NKAIN2: variants seen among roughly 807,000 people sequenced by gnomAD.
NKAIN2 encodes the protein sodium/potassium transporting ATPase interacting 2.
A neutral mutation model predicts 32.6 loss-of-function variants in NKAIN2; 14 were observed. That is an observed-to-expected ratio of 0.43 (90% CI 0.28 to 0.67). NKAIN2 has a LOEUF of 0.67. Ranked by LOEUF, NKAIN2 falls within the 30% of genes least tolerant of loss-of-function variation. NKAIN2 has a pLI of 0.17. For missense variants in NKAIN2, 198 were observed against 258.3 expected (o/e 0.77, Z 1.60); for synonymous variants, 80 against 87.2 (o/e 0.92, Z 0.46).
intron 1 of NKAIN2, among the ~76,000 whole-genome samples, chr6:124,127,090 A>G (rs1318508957): frequency 6.6e-6 from 1 of 152,234 alleles, no homozygotes; most frequent in Admixed American, 6.5e-5. Context: ...AGAAAATGTT[A>G]TATAAGTAAG....
chr6:124,538,657 C>T (rs988794171), intron 3 of NKAIN2, among the ~76,000 whole-genome samples: 2 of 152,110 alleles, frequency 1.3e-5, no homozygotes, highest in African/African-American at 4.8e-5. Context: ...AGTGAGAACT[C>T]ACTGTTTTAT....
chr6:124,222,079 G>A (rs1434528390), intron 1 of NKAIN2, among the ~76,000 whole-genome samples: 1 of 152,164 alleles, frequency 6.6e-6, no homozygotes, highest in Admixed American at 6.5e-5. Flanking sequence ...CGTAAAGGAT[G>A]ATCTGGATAG....
intron 1 of NKAIN2, among the ~76,000 whole-genome samples, chr6:123,848,749 G>C (rs1342684825): frequency 2.0e-5 from 3 of 152,162 alleles, no homozygotes; most frequent in Non-Finnish European, 2.9e-5. Flanking sequence ...CTTACTTTCA[G>C]AGTGCACCCG....
intron 3 of NKAIN2, chr6:124,390,933 A>G (rs557451450): frequency 2.6e-5 from 4 of 151,514 alleles, no homozygotes; most frequent in South Asian, 4.2e-4. Flanking sequence ...AGGAAAGAGA[A>G]AAAAAAAAGA....
intron 3 of NKAIN2, among the ~76,000 whole-genome samples, chr6:124,385,173 ATTT>A (rs1198196932): frequency 6.6e-6 from 1 of 152,038 alleles, no homozygotes; most frequent in Admixed American, 6.6e-5. Context: ...ACCTGAATAT[ATTT>A]TCTTTTAGCC....
intron 3 of NKAIN2, among the ~76,000 whole-genome samples, chr6:124,564,397 C>T (rs1040083584): frequency 6.6e-6 from 1 of 152,038 alleles, no homozygotes; most frequent in Non-Finnish European, 1.5e-5. Flanking sequence ...CCAATCAATG[C>T]TCTGTATAAT....
At chr6:124,767,701 CTCCTT>C (rs1459356619) in intron 4 of NKAIN2, among the ~76,000 whole-genome samples, 2 of 152,308 alleles carry the variant, frequency 1.3e-5, no homozygotes, top group East Asian at 3.9e-4. Context: ...CTGTTGTTCT[CTCCTT>C]TCAACACTCT....
chr6:124,454,696 T>C (rs2114631223), intron 3 of NKAIN2, among the ~76,000 whole-genome samples: 1 of 152,186 alleles, frequency 6.6e-6, no homozygotes, highest in East Asian at 1.9e-4. Flanking sequence ...TATTGAATTA[T>C]TGTTACTGAG....
At position 124,350,007 on chromosome 6, in the gene NKAIN2, A is replaced by T. The variant is rs778739830; in HGVS notation, c.193-5260A>T. 3.7e-4 allele frequency among the ~76,000 whole-genome samples: 57 copies of T among 152,230 alleles called. 2 individuals are homozygous for T. Among genetic ancestry groups the T allele is most frequent in the Non-Finnish European group, 8.8e-5 (6 of 68,040 alleles). ...TCTCTCATCACAGACAATATCTCAA[A>T]GTTTCTGTCTGAAACATAAAATATA... On this transcript the variant is annotated intron_variant, in intron 2 of 6. Coordinates refer to ENST00000368417, the MANE Select transcript of NKAIN2 (RefSeq NM_001040214.3).
chr6:124,413,349 T>C (rs546837037), intron 3 of NKAIN2, among the ~76,000 whole-genome samples: 3 of 152,328 alleles, frequency 2.0e-5, no homozygotes, highest in Admixed American at 2.0e-4. Flanking sequence ...AAGCCTGTTC[T>C]TTCTTCACTC....
At chr6:124,338,505 T>G (rs2115073812) in intron 2 of NKAIN2, among the ~76,000 whole-genome samples, 1 of 152,280 alleles carries the variant, frequency 6.6e-6, no homozygotes, top group Admixed American at 6.5e-5. Flanking sequence ...GCTTTCAAAG[T>G]TTGTTGCAAT....
intron 5 of NKAIN2, chr6:124,794,916 T>A: frequency 2.5e-6 from 2 of 793,738 alleles, no homozygotes; most frequent in Middle Eastern, 6.5e-4. Context: ...TTTTGGTAAT[T>A]ATATTACAAA....
intron 1 of NKAIN2, among the ~76,000 whole-genome samples, chr6:123,886,474 T>C (rs564704704): frequency 2.0e-5 from 3 of 152,178 alleles, no homozygotes; most frequent in Admixed American, 6.5e-5. Context: ...TGTGTTTACA[T>C]AGGAAAAAAC....
chr6:124,821,366 T>C (rs972889797), intron 6 of NKAIN2, among the ~76,000 whole-genome samples: 3 of 151,822 alleles, frequency 2.0e-5, no homozygotes, highest in African/African-American at 7.3e-5. Context: ...TATTACATAA[T>C]ATTTTACTGT....
chr6:124,759,588 A>C (rs890396546), intron 4 of NKAIN2, among the ~76,000 whole-genome samples: 8 of 84,536 alleles, frequency 9.5e-5, no homozygotes, highest in East Asian at 5.1e-4. Flanking sequence ...CTGAAATTGC[A>C]ACACACACAC....
intron 3 of NKAIN2, among the ~76,000 whole-genome samples, chr6:124,563,441 A>T (rs1780781765): frequency 6.6e-6 from 1 of 152,192 alleles, no homozygotes; most frequent in African/African-American, 2.4e-5. Flanking sequence ...TGCTACTGTC[A>T]GTTTACCTTT....
At chr6:124,397,480 T>C (rs1339054695) in intron 3 of NKAIN2, among the ~76,000 whole-genome samples, 1 of 151,866 alleles carries the variant, frequency 6.6e-6, no homozygotes, top group African/African-American at 2.4e-5. Flanking sequence ...CATTTAATAA[T>C]AGATGATTGT....
At chr6:124,590,675 AG>A (rs1245403701) in intron 3 of NKAIN2, among the ~76,000 whole-genome samples, 3 of 152,228 alleles carry the variant, frequency 2.0e-5, no homozygotes, top group Non-Finnish European at 4.4e-5. Flanking sequence ...TCCAAGTCTT[AG>A]GTGACTGTCA....
intron 1 of NKAIN2, among the ~76,000 whole-genome samples, chr6:123,808,435 T>C (rs1223827999): frequency 6.6e-6 from 1 of 152,200 alleles, no homozygotes; most frequent in Non-Finnish European, 1.5e-5. Context: ...TTTTTAAATG[T>C]TTTCTATTTA....
Sources: allele counts gnomAD v4.1 joint callset (sites outside exome capture counted in the v4.1 genomes callset), GRCh38; gene constraint gnomAD v4.1.1; transcripts MANE v1.5; gene names NCBI Gene and HGNC (gene_info 2026-07-23, HGNC 2026-07-21).